Variants in NET1 observed in about 807,000 individuals in gnomAD.
The protein encoded by NET1 is neuroepithelial cell transforming 1, also known as neuroepithelial cell-transforming gene 1 protein.
In NET1, 42 loss-of-function variants were observed where a neutral mutation model predicts 61.1. The ratio of observed to expected loss-of-function variants is 0.69; its 90% CI spans 0.54 to 0.89. The LOEUF is 0.89. Among genes scored for constraint, NET1 ranks in the 40% least tolerant of loss-of-function variants. The pLI is 0.00. For missense variants in NET1, 654 were observed against 747.3 expected (o/e 0.88, Z 1.46); for synonymous variants, 254 against 281.8 (o/e 0.90, Z 0.99).
chr10:5,434,695 CTT>C (rs11288889), intron 3 of NET1, among the ~76,000 whole-genome samples: 31 of 104,386 alleles, frequency 3.0e-4, no homozygotes, highest in Admixed American at 4.7e-4. Context: ...TGTGGGTTTT[CTT>C]TTTTTTTTTT....
rs192747829 is a variant in NET1, at chr10:5,458,974, C to G, written c.*1980C>G. Among the ~76,000 whole-genome samples the G allele has an allele frequency of 5.3e-5, 8 of 152,046 alleles. No individual in the cohort carries two copies. The highest frequency in any genetic ancestry group is 1.9e-4 in the African/African-American group (8 of 41,406). Reference sequence around the variant, plus strand: ...AATGGAATTATGTTTTATTTAAAACCGTATCTTCTTTTGGTTCCCTCAAAG... The same window carrying G: ...AATGGAATTATGTTTTATTTAAAACGGTATCTTCTTTTGGTTCCCTCAAAG... On this transcript the variant is annotated 3_prime_UTR_variant, in exon 12 of 12. Transcript: ENST00000355029. The surrounding 1 kb of genome is among the most constrained non-coding windows in gnomAD (Gnocchi z 4.5).
rs1201862896 is a variant in NET1 at position 5,424,238 on chromosome 10, A to AT, written c.129-2416dup. On this transcript the variant is annotated intron_variant, in intron 1 of 11. Coordinates refer to ENST00000355029, the MANE Select transcript of NET1 (RefSeq NM_001047160.3). The surrounding 1 kb of genome is among the most constrained non-coding windows in gnomAD (Gnocchi z 6.1). ...AATGTAGATTTGTATTAGATTTAAA[A>AT]TAACCTGAGACATCATAATTGTTTT... Among the ~76,000 whole-genome samples the AT allele has an allele frequency of 6.6e-6, 1 of 152,204 alleles. No homozygotes were observed. Among genetic ancestry groups the AT allele is most frequent in the African/African-American group, 2.4e-5 (1 of 41,452 alleles).
In NET1 at chr10:5,454,017, G is replaced by A. The variant is rs1420586918; in HGVS notation, c.769-248G>A. Among the ~76,000 whole-genome samples the A allele has an allele frequency of 6.6e-6, 1 of 152,186 alleles. No homozygotes were observed. Among genetic ancestry groups the A allele is most frequent in the East Asian group, 1.9e-4 (1 of 5,196 alleles). ...TGTCCTGGGAGCACAGACTGCCAGT[G>A]TCTGAGGTTGGAGGGGAGTAGAAGT... is the stretch of plus-strand genomic sequence containing the variant. On this transcript the variant is annotated intron_variant, in intron 8 of 11. Transcript: ENST00000355029. This position sits in a 1 kb window ranked among gnomAD's most constrained non-coding sequence, Gnocchi z 8.1.
rs755077949 is a variant in NET1, at chr10:5,453,539, T to C, written c.747T>C (p.Ile249=). The part of the protein sequence containing the change: ...ATKPDGTVEQ[I]GHILVSWLPR... ...AGCCTGATGGAACAGTGGAGCAGATTGGTCACATTCTCGTGAGCTGGGTAT... is the reference window on the plus strand; with the variant it reads ...AGCCTGATGGAACAGTGGAGCAGATCGGTCACATTCTCGTGAGCTGGGTAT... Residue 249 remains isoleucine, a synonymous_variant, in exon 8 of 12, where the codon ATT becomes ATC. Coordinates refer to ENST00000355029, the MANE Select transcript of NET1 (RefSeq NM_001047160.3). The surrounding 1 kb of genome is among the most constrained non-coding windows in gnomAD (Gnocchi z 4.9). 14 of 1,614,202 alleles carry C rather than the reference T, an allele frequency of 8.7e-6. No homozygotes were observed. The East Asian group carries it at 1.1e-4, about 13-fold the overall frequency.
Position 5,451,861 on chromosome 10 carries a change from C to T in NET1, c.287C>T (p.Ala96Val). The T allele has an allele frequency of 1.2e-6, 2 of 1,613,892 alleles. No individual in the cohort carries two copies. Among genetic ancestry groups the T allele is most frequent in the Non-Finnish European group, 1.7e-6 (2 of 1,179,856 alleles). The change falls in exon 4 of 12, where the codon GCT becomes GTT. Residue 96 changes from alanine to valine, a missense_variant. By Grantham distance (64) the Ala-to-Val change is moderately conservative (BLOSUM62 0). Transcript: ENST00000355029. This position sits in a 1 kb window ranked among gnomAD's most constrained non-coding sequence, Gnocchi z 6.1. ...AGCAATAAAAGAGTTCGACCTCTGG[C>T]TCGTGTCACGTCCTTGGCAAATTTA... ...EPSNKRVRPL[A>V]RVTSLANLIS...
At chr10:5,448,063 C>T (rs1429689723) in intron 3 of NET1, among the ~76,000 whole-genome samples, 4 of 152,052 alleles carry the variant, frequency 2.6e-5, no homozygotes, top group Admixed American at 1.3e-4. Flanking sequence ...GATCATAACT[C>T]GTTTTTATCT....
rs1272981413 is a variant in NET1, at chr10:5,440,476, A to C, written c.255+11247A>C. 6.6e-6 allele frequency among the ~76,000 whole-genome samples: 1 copy of C among 152,164 alleles called. No homozygotes were observed. The highest frequency in any genetic ancestry group is 2.4e-5 in the African/African-American group (1 of 41,428). ...GGTCCACTGTCATTTACCACAGTCC[A>C]CCTCATTATTGTAAGAGGCACTCAG... On this transcript the variant is annotated intron_variant, in intron 3 of 11. Coordinates refer to ENST00000355029, the MANE Select transcript of NET1 (RefSeq NM_001047160.3). The surrounding 1 kb of genome is among the most constrained non-coding windows in gnomAD (Gnocchi z 4.1).
intron 1 of NET1, among the ~76,000 whole-genome samples, chr10:5,414,973 T>TGAGACACAGTTAGAAGAAC (rs1588420804): frequency 6.6e-6 from 1 of 151,792 alleles, no homozygotes; most frequent in African/African-American, 2.4e-5. Context: ...ATGAGGAGAG[T>TGAGACACAGTTAGAAGAAC]GAGACACAGT....
Position 5,453,342 on chromosome 10 carries a change from T to C in NET1, c.687T>C (p.His229=), listed in dbSNP as rs957965394. The C allele has an allele frequency of 1.2e-6, 2 of 1,605,626 alleles. No homozygotes were observed. The highest frequency in any genetic ancestry group is 2.7e-5 in the African/African-American group (2 of 74,750). Residue 229 remains histidine (H), a synonymous_variant, in exon 7 of 12, where the codon CAT becomes CAC. Coordinates refer to ENST00000355029, the MANE Select transcript of NET1 (RefSeq NM_001047160.3). The surrounding 1 kb of genome is among the most constrained non-coding windows in gnomAD (Gnocchi z 4.9). ...ATCTGGACTCTTACATACCTCTGCA[T>C]GAAGGTTAGATGTGCCACTTAATTG... is the stretch of plus-strand genomic sequence containing the variant. ...FGDLDSYIPL[H]EDLLTRIGEA... is the part of the protein sequence containing the mutation.
At chr10:5,419,303 CTTGGTTGG>C (rs71294428) in intron 1 of NET1, among the ~76,000 whole-genome samples, 2,360 of 142,520 alleles carry the variant, frequency 0.017, 64 homozygotes, top group South Asian at 0.049. Flanking sequence ...ATAGTTGGAT[CTTGGTTGG>C]TTGGTTGGTT....
rs1269246043 is a variant in NET1 at position 5,440,542 on chromosome 10, A to C, written c.256-11288A>C. On this transcript the variant is annotated intron_variant, in intron 3 of 11. Coordinates refer to ENST00000355029, the MANE Select transcript of NET1 (RefSeq NM_001047160.3). This position sits in a 1 kb window ranked among gnomAD's most constrained non-coding sequence, Gnocchi z 4.1. ...ATCTAGTGGAGACTATCACTTGTGC[A>C]GTCCGTAACTCTGATGGCTGATCTC... is the stretch of plus-strand genomic sequence containing the variant. Among the ~76,000 whole-genome samples the C allele has an allele frequency of 2.0e-5, 3 of 152,190 alleles. No homozygotes were observed. Among genetic ancestry groups the C allele is most frequent in the Non-Finnish European group, 4.4e-5 (3 of 68,044 alleles).
intron 1 of NET1, among the ~76,000 whole-genome samples, chr10:5,425,672 T>A (rs1333835101): frequency 6.6e-6 from 1 of 151,762 alleles, no homozygotes; most frequent in Non-Finnish European, 1.5e-5. Context: ...GAGCCTTCTC[T>A]TTTTTCCATT....
In NET1 at chr10:5,454,343, G is replaced by C. The variant is rs771282421; in HGVS notation, c.847G>C (p.Asp283His). The change falls in exon 9 of 12, where the codon GAT (aspartate) becomes CAT (histidine). Residue 283 changes from aspartate (D) to histidine (H), a missense_variant. By Grantham distance (81) the Asp-to-His change is moderately conservative. Transcript: ENST00000355029. This position sits in a 1 kb window ranked among gnomAD's most constrained non-coding sequence, Gnocchi z 8.1. ...AGCTCTTCTTGATCAAAAGAAACAG[G>C]ATCCAAGAGTCCAAGACTTCCTCCA... ...AKALLDQKKQ[D>H]PRVQDFLQRC... 4 of 1,614,132 alleles carry C rather than the reference G, an allele frequency of 2.5e-6. No homozygotes were observed. The South Asian group carries it at 4.4e-5, about 18-fold the overall frequency.
intron 3 of NET1, among the ~76,000 whole-genome samples, chr10:5,442,036 G>C (rs1161908037): frequency 6.6e-6 from 1 of 151,986 alleles, no homozygotes; most frequent in Non-Finnish European, 1.5e-5. Flanking sequence ...GTGAATTGTG[G>C]AATCTTTTTC....
chr10:5,430,376 C>CTTT (rs34200273), intron 3 of NET1, among the ~76,000 whole-genome samples: 3 of 139,868 alleles, frequency 2.1e-5, no homozygotes, highest in South Asian at 2.3e-4. Flanking sequence ...TAGATAAAAA[C>CTTT]TTTTTTTTTT....
Position 5,435,253 on chromosome 10 carries a change from TTTC to T in NET1, c.255+6027_255+6029del, listed in dbSNP as rs1217678427. Among the ~76,000 whole-genome samples the T allele has an allele frequency of 6.6e-6, 1 of 152,120 alleles. No individual in the cohort carries two copies. The highest frequency in any genetic ancestry group is 1.9e-4 in the East Asian group (1 of 5,194). On this transcript the variant is annotated intron_variant, in intron 3 of 11. Coordinates refer to ENST00000355029, the MANE Select transcript of NET1 (RefSeq NM_001047160.3). This position sits in a 1 kb window ranked among gnomAD's most constrained non-coding sequence, Gnocchi z 5.0. ...CATTGGGACCTAGGAACATTTGATT[TTTC>T]TTTTTATTTTTTAAAGATACCAGGT... is the stretch of plus-strand genomic sequence containing the variant.
Position 5,455,014 on chromosome 10 carries a change from T to A in NET1, c.1093T>A (p.Tyr365Asn), listed in dbSNP as rs766223722. Reference protein sequence around the residue: ...LKKGESECQYYIDKLEYLDEK... With the variant: ...LKKGESECQYNIDKLEYLDEK... ...GAAAGGTGAATCCGAGTGCCAGTAT[T>A]ACATCGACAAGCTGGAGTACCTGGA... The change falls in exon 10 of 12, where the codon TAC (tyrosine) becomes AAC (asparagine). Residue 365 changes from tyrosine to asparagine, a missense_variant. Tyr to Asn is a moderately radical substitution (Grantham distance 143). Transcript: ENST00000355029. The surrounding 1 kb of genome is among the most constrained non-coding windows in gnomAD (Gnocchi z 6.5). 7 of 1,614,152 alleles carry A rather than the reference T, an allele frequency of 4.3e-6. No individual in the cohort carries two copies. The highest frequency in any genetic ancestry group is 5.9e-6 in the Non-Finnish European group (7 of 1,180,020).
rs577234763 is a variant in NET1, at chr10:5,437,936, C to T, written c.255+8707C>T. 7.9e-5 allele frequency among the ~76,000 whole-genome samples: 12 copies of T among 151,994 alleles called. No homozygotes were observed. The South Asian group carries it at 2.5e-3, about 32-fold the overall frequency. ...TAACACAGAGAGTGAAACTAAAAAGCAGTAACAAAAGGAAATCTAAAAAAT... is the reference window on the plus strand; with the variant it reads ...TAACACAGAGAGTGAAACTAAAAAGTAGTAACAAAAGGAAATCTAAAAAAT... On this transcript the variant is annotated intron_variant, in intron 3 of 11. Transcript: ENST00000355029. The surrounding 1 kb of genome is among the most constrained non-coding windows in gnomAD (Gnocchi z 4.3).
intron 3 of NET1, among the ~76,000 whole-genome samples, chr10:5,445,864 C>T (rs1401028289): frequency 2.6e-5 from 4 of 152,122 alleles, no homozygotes; most frequent in Non-Finnish European, 5.9e-5. Flanking sequence ...GAGAAGGACC[C>T]TGTTATATTA....
Sources: allele counts gnomAD v4.1 joint callset (sites outside exome capture counted in the v4.1 genomes callset), GRCh38; gene constraint gnomAD v4.1.1; non-coding constraint Gnocchi (gnomAD v3.1); transcripts MANE v1.5; gene names NCBI Gene and HGNC (gene_info 2026-07-23, HGNC 2026-07-21).